PDE11A: variants seen among roughly 807,000 people sequenced by gnomAD.
The protein encoded by PDE11A is phosphodiesterase 11A.
In PDE11A, 100 loss-of-function variants were observed where a neutral mutation model predicts 100.5. The observed-to-expected ratio is 1.00, with a 90% CI of 0.85 to 1.18. The LOEUF (loss-of-function observed/expected upper bound fraction) is 1.18, where lower values mean the gene tolerates loss of function less well. PDE11A is among the 50% of genes most tolerant of loss of function. The pLI is 0.00. For synonymous variants in PDE11A, 381 were observed against 420.8 expected (o/e 0.91, Z 1.16); for missense variants, 1,141 against 1,152.6 (o/e 0.99, Z 0.15).
At chr2:177,721,868 C>T (rs542508290) in intron 12 of PDE11A, among the ~76,000 whole-genome samples, 19 of 152,134 alleles carry the variant, frequency 1.2e-4, no homozygotes, top group Non-Finnish European at 2.2e-4. Flanking sequence ...TTTTATTAGC[C>T]ATAATTCAGC....
At chr2:177,995,079 A>G (rs2086054033) in intron 2 of PDE11A, among the ~76,000 whole-genome samples, 1 of 152,198 alleles carries the variant, frequency 6.6e-6, no homozygotes, top group Admixed American at 6.5e-5. Context: ...AAATATGCTT[A>G]TAAGGAGGAA....
intron 14 of PDE11A, 86 bp from the exon 15 acceptor site, chr2:177,697,518 G>T: frequency 1.3e-6 from 1 of 743,214 alleles, no homozygotes; most frequent in Non-Finnish European, 2.4e-6. Context: ...AAAAAAGTCT[G>T]GGAACATTAA....
At chr2:177,683,511 C>T (rs1475971108) in intron 15 of PDE11A, 2 of 152,210 alleles carry the variant, frequency 1.3e-5, no homozygotes, top group Non-Finnish European at 2.9e-5. Context: ...CCCGCCTGCG[C>T]ATTGGGAGGA....
At chr2:177,994,059 T>C (rs1303294950) in intron 2 of PDE11A, among the ~76,000 whole-genome samples, 2 of 151,412 alleles carry the variant, frequency 1.3e-5, no homozygotes, top group Admixed American at 6.6e-5. Flanking sequence ...GCTGGCCAAG[T>C]AGCTGAGACT....
intron 10 of PDE11A, among the ~76,000 whole-genome samples, chr2:177,730,365 C>A (rs1010044427): frequency 1.3e-5 from 2 of 152,120 alleles, no homozygotes; most frequent in Non-Finnish European, 2.9e-5. Flanking sequence ...AAAATTATGT[C>A]TTTTAATTCT....
At chr2:177,643,454 C>G (rs1010041651) in intron 19 of PDE11A, among the ~76,000 whole-genome samples, 1 of 152,104 alleles carries the variant, frequency 6.6e-6, no homozygotes, top group Non-Finnish European at 1.5e-5. Context: ...GAACTTTGAA[C>G]TTGAGAGAGA....
At chr2:177,880,339 T>C (rs1297476691) in intron 4 of PDE11A, among the ~76,000 whole-genome samples, 1 of 152,178 alleles carries the variant, frequency 6.6e-6, no homozygotes, top group African/African-American at 2.4e-5. Context: ...GTCAGCCGCA[T>C]GGGCAGGTCA....
chr2:177,633,607 C>T (rs1430333458), intron 19 of PDE11A, among the ~76,000 whole-genome samples: 1 of 152,108 alleles, frequency 6.6e-6, no homozygotes, highest in Non-Finnish European at 1.5e-5. Flanking sequence ...TAAAACAAAG[C>T]AACATTGTAA....
chr2:177,702,600 T>C (rs949490022), intron 13 of PDE11A: 8 of 152,156 alleles, frequency 5.3e-5, no homozygotes, highest in South Asian at 2.1e-4. Flanking sequence ...AAGTGCAACA[T>C]GAAGACTTTT....
intron 5 of PDE11A, among the ~76,000 whole-genome samples, chr2:177,841,863 A>G (rs1201055704): frequency 2.6e-5 from 4 of 152,028 alleles, no homozygotes; most frequent in Non-Finnish European, 5.9e-5. Context: ...AAAGAGAAGA[A>G]GAAGCTTTAT....
chr2:178,065,899 T>C (rs2087036956), intron 1 of PDE11A, among the ~76,000 whole-genome samples: 1 of 152,100 alleles, frequency 6.6e-6, no homozygotes, highest in East Asian at 1.9e-4. Context: ...ATGGAGATTA[T>C]TCCAAAAAGA....
intron 1 of PDE11A, among the ~76,000 whole-genome samples, chr2:178,031,764 A>G (rs1435786894): frequency 1.3e-5 from 2 of 152,148 alleles, no homozygotes; most frequent in Admixed American, 6.5e-5. Context: ...GTGCAATTCC[A>G]GTTGAAATCC....
chr2:177,993,628 C>T (rs2086031460), intron 2 of PDE11A, among the ~76,000 whole-genome samples: 1 of 152,038 alleles, frequency 6.6e-6, no homozygotes, highest in East Asian at 1.9e-4. Context: ...TATATTTTGG[C>T]ATATTGAGTG....
At chr2:177,634,420 G>C (rs867260696) in intron 19 of PDE11A, among the ~76,000 whole-genome samples, 8 of 139,688 alleles carry the variant, frequency 5.7e-5, no homozygotes, top group Admixed American at 3.8e-4. Context: ...AAGGAGTCTC[G>C]CTCTGACGCC....
chr2:177,803,282 T>C (rs1191165485), intron 9 of PDE11A, among the ~76,000 whole-genome samples: 2 of 151,296 alleles, frequency 1.3e-5, no homozygotes, highest in Non-Finnish European at 3.0e-5. Context: ...GCAGTGAGAT[T>C]ATGTCACTTA....
chr2:177,833,776 G>A (rs1040770559), intron 6 of PDE11A, among the ~76,000 whole-genome samples: 1 of 152,200 alleles, frequency 6.6e-6, no homozygotes, highest in South Asian at 2.1e-4. Flanking sequence ...GAGAAATTTA[G>A]AATAGATATT....
intron 2 of PDE11A, among the ~76,000 whole-genome samples, chr2:177,948,734 T>A (rs1191963442): frequency 6.6e-6 from 1 of 152,058 alleles, no homozygotes; most frequent in Non-Finnish European, 1.5e-5. Flanking sequence ...TGAGACACTA[T>A]CTCTACAAAA....
At chr2:177,742,547 G>A (rs2081888766) in intron 10 of PDE11A, among the ~76,000 whole-genome samples, 1 of 152,150 alleles carries the variant, frequency 6.6e-6, no homozygotes, top group Admixed American at 6.5e-5. Flanking sequence ...AATACTTAGT[G>A]AGGGCTTGCT....
intron 2 of PDE11A, among the ~76,000 whole-genome samples, chr2:178,079,853 G>C (rs1031719702): frequency 6.6e-6 from 1 of 152,178 alleles, no homozygotes; most frequent in Non-Finnish European, 1.5e-5. Context: ...ACTGGCATAA[G>C]ATGGTATCTC....
Sources: gnomAD v4.1 joint callset for allele counts (sites outside exome capture counted in the v4.1 genomes callset) on GRCh38, gnomAD v4.1.1 for gene constraint, MANE v1.5 for transcripts, NCBI Gene and HGNC (gene_info 2026-07-23, HGNC 2026-07-21) for gene names.